Variants in PAK5 observed in about 807,000 individuals in gnomAD.
The protein encoded by PAK5 is p21 (RAC1) activated kinase 5, also known as serine/threonine-protein kinase PAK 5.
In PAK5, 16 loss-of-function variants were observed where a neutral mutation model predicts 65.9. The ratio of observed to expected loss-of-function variants is 0.24; its 90% CI spans 0.16 to 0.37. The LOEUF is 0.37. Among genes scored for constraint, PAK5 ranks in the 10% least tolerant of loss-of-function variants. The probability of loss-of-function intolerance (pLI) is 1.00; values close to 1 mark genes in which losing one functional copy is unlikely to be tolerated. For synonymous variants in PAK5, 371 were observed against 354.9 expected (o/e 1.05, Z -0.51); for missense variants, 785 against 903.9 (o/e 0.87, Z 1.69).
At chr20:9,596,165 G>A (rs1029676155) in intron 3 of PAK5, among the ~76,000 whole-genome samples, 3 of 152,134 alleles carry the variant, frequency 2.0e-5, no homozygotes, top group African/African-American at 7.2e-5. Flanking sequence ...TTATGAAAAT[G>A]TATTTAAGTA....
At chr20:9,681,041 A>T (rs940077553) in intron 2 of PAK5, among the ~76,000 whole-genome samples, 1 of 152,030 alleles carries the variant, frequency 6.6e-6, no homozygotes, top group Non-Finnish European at 1.5e-5. Flanking sequence ...TAATTCTATC[A>T]ATTTTTGCGT....
intron 3 of PAK5, among the ~76,000 whole-genome samples, chr20:9,633,027 G>A (rs12480230): frequency 6.6e-6 from 1 of 152,188 alleles, no homozygotes; most frequent in African/African-American, 2.4e-5. Flanking sequence ...TGAAAAGGCT[G>A]GTATGGGGCT....
At chr20:9,744,373 C>T (rs2048483616) in intron 1 of PAK5, among the ~76,000 whole-genome samples, 2 of 152,258 alleles carry the variant, frequency 1.3e-5, no homozygotes, top group South Asian at 4.1e-4. Context: ...ATAATTTATG[C>T]CTAATAGCTC....
At chr20:9,725,606 G>A (rs186281545) in intron 1 of PAK5, among the ~76,000 whole-genome samples, 8 of 152,160 alleles carry the variant, frequency 5.3e-5, no homozygotes, top group East Asian at 1.9e-4. Context: ...GTTCTTATTC[G>A]ATAAATTTAA....
intron 3 of PAK5, among the ~76,000 whole-genome samples, chr20:9,606,122 G>C (rs1402042741): frequency 2.6e-5 from 4 of 152,074 alleles, no homozygotes; most frequent in Non-Finnish European, 5.9e-5. Flanking sequence ...TGGATCATGG[G>C]GGGTGAACTT....
chr20:9,580,486 A>G lies in PAK5; in HGVS notation c.649T>C (p.Trp217Arg). Residue 217 changes from tryptophan (W) to arginine (R), a missense_variant, in exon 4 of 10, where the codon TGG (tryptophan) becomes CGG (arginine). Coordinates refer to ENST00000353224, the MANE Select transcript of PAK5 (RefSeq NM_177990.4). Reference sequence around the variant, plus strand: ...CTACTCGAGGCTCTCTGATACTCCCACTTGAGGTCACTGTATTCACTTGGT... The same window carrying G: ...CTACTCGAGGCTCTCTGATACTCCCGCTTGAGGTCACTGTATTCACTTGGT... Reference protein sequence around the residue: ...SKPSEYSDLKWEYQRASSSSP... With the variant: ...SKPSEYSDLKREYQRASSSSP... 6.2e-7 allele frequency: 1 copy of G among 1,614,128 alleles called. No homozygotes were observed. Among genetic ancestry groups the G allele is most frequent in the Non-Finnish European group, 8.5e-7 (1 of 1,179,992 alleles).
At chr20:9,737,187 G>T (rs1048791491) in intron 1 of PAK5, among the ~76,000 whole-genome samples, 1 of 152,024 alleles carries the variant, frequency 6.6e-6, no homozygotes, top group Non-Finnish European at 1.5e-5. Context: ...AATGTAAATG[G>T]TCTATACACC....
intron 3 of PAK5, among the ~76,000 whole-genome samples, chr20:9,618,626 G>T (rs987637362): frequency 1.3e-5 from 2 of 151,658 alleles, no homozygotes; most frequent in South Asian, 4.2e-4. Flanking sequence ...TGTTGTCCAG[G>T]CTGGTCTTGA....
intron 1 of PAK5, among the ~76,000 whole-genome samples, chr20:9,737,970 A>G (rs1384694089): frequency 3.9e-5 from 6 of 152,076 alleles, no homozygotes; most frequent in South Asian, 2.1e-4. Context: ...GTGAAACCCC[A>G]TCTTTACTAA....
chr20:9,754,417 T>C (rs947885629), intron 1 of PAK5, among the ~76,000 whole-genome samples: 1 of 152,082 alleles, frequency 6.6e-6, no homozygotes, highest in Admixed American at 6.6e-5. Context: ...TGTCCTCTTC[T>C]GTTGAGTCCA....
intron 1 of PAK5, among the ~76,000 whole-genome samples, chr20:9,813,711 T>C (rs978521126): frequency 3.3e-5 from 5 of 152,048 alleles, no homozygotes; most frequent in African/African-American, 1.2e-4. Flanking sequence ...ACTAATAACA[T>C]AGTGAATGAA....
At chr20:9,797,290 G>A (rs1250227518) in intron 1 of PAK5, among the ~76,000 whole-genome samples, 2 of 151,790 alleles carry the variant, frequency 1.3e-5, no homozygotes, top group Non-Finnish European at 2.9e-5. Context: ...GTGGATATTA[G>A]CCCCTTGTCA....
At chr20:9,558,654 C>G (rs1489023429) in intron 6 of PAK5, among the ~76,000 whole-genome samples, 3 of 152,194 alleles carry the variant, frequency 2.0e-5, no homozygotes, top group Non-Finnish European at 4.4e-5. Context: ...GGGACCCACC[C>G]TACTTCCCAT....
intron 2 of PAK5, among the ~76,000 whole-genome samples, chr20:9,650,010 C>A (rs2047182653): frequency 6.6e-6 from 1 of 152,188 alleles, no homozygotes; most frequent in South Asian, 2.1e-4. Context: ...CTGGTCCATG[C>A]TCTGCTGACT....
chr20:9,825,453 T>C (rs1261613385), intron 1 of PAK5, among the ~76,000 whole-genome samples: 2 of 152,206 alleles, frequency 1.3e-5, no homozygotes, highest in African/African-American at 4.8e-5. Flanking sequence ...GTGAGCACAG[T>C]TGCATTGTGA....
intron 1 of PAK5, among the ~76,000 whole-genome samples, chr20:9,785,495 T>G (rs1198593293): frequency 6.6e-6 from 1 of 152,204 alleles, no homozygotes; most frequent in Non-Finnish European, 1.5e-5. Context: ...ACAAATTCTT[T>G]TCCACTCTTT....
intron 2 of PAK5, among the ~76,000 whole-genome samples, chr20:9,687,553 G>C (rs1042916539): frequency 1.6e-4 from 25 of 152,068 alleles, no homozygotes; most frequent in African/African-American, 5.6e-4. Context: ...GGCGTCTTTG[G>C]GTATTAACTG....
chr20:9,667,449 T>A (rs1304513831), intron 2 of PAK5, among the ~76,000 whole-genome samples: 2 of 101,276 alleles, frequency 2.0e-5, no homozygotes, highest in African/African-American at 4.6e-5. Context: ...CTACCCTGAG[T>A]ATTGAATTCA....
chr20:9,813,693 T>C (rs1403922162), intron 1 of PAK5, among the ~76,000 whole-genome samples: 1 of 152,064 alleles, frequency 6.6e-6, no homozygotes, highest in African/African-American at 2.4e-5. Flanking sequence ...ACCTCACGGA[T>C]GAATCTTACT....
Sources: gnomAD v4.1 joint callset for allele counts (sites outside exome capture counted in the v4.1 genomes callset) on GRCh38, gnomAD v4.1.1 for gene constraint, MANE v1.5 for transcripts, NCBI Gene and HGNC (gene_info 2026-07-23, HGNC 2026-07-21) for gene names.